The following HGFAC variants were observed in gnomAD, a reference collection of about 807,000 sequenced individuals.
HGFAC encodes hepatocyte growth factor activator serine protease.
A neutral mutation model predicts 70.6 loss-of-function variants in HGFAC; 76 were observed. That is an observed-to-expected ratio of 1.08 (90% CI 0.89 to 1.30). The LOEUF is 1.30. HGFAC is among the 50% of genes most tolerant of loss of function. The probability of loss-of-function intolerance (pLI) is 0.00; values close to 1 mark genes in which losing one functional copy is unlikely to be tolerated. For synonymous variants in HGFAC, 464 were observed against 405.3 expected (o/e 1.14, Z -1.74); for missense variants, 1,044 against 933.7 (o/e 1.12, Z -1.54).
intron 9 of HGFAC, chr4:3,445,691 A>G: frequency 1.6e-6 from 1 of 627,210 alleles, no homozygotes; most frequent in Non-Finnish European, 2.8e-6. Flanking sequence ...TGCCCTGGGG[A>G]GAGGCCCCCC....
At chr4:3,442,693 G>A in intron 1 of HGFAC, 39 bp from the exon 2 acceptor site, 1 of 1,381,014 alleles carries the variant, frequency 7.2e-7, no homozygotes. Flanking sequence ...CTGAGTGTGA[G>A]GGTCTGTCCC....
At chr4:3,447,256 A>G (rs575972412) in intron 10 of HGFAC, among the ~76,000 whole-genome samples, 1 of 152,182 alleles carries the variant, frequency 6.6e-6, no homozygotes, top group African/African-American at 2.4e-5. Flanking sequence ...GTCAGGAGGG[A>G]TGGCACCGCA....
intron 11 of HGFAC, 59 bp downstream of exon 11, chr4:3,447,690 C>T: frequency 4.4e-6 from 7 of 1,598,814 alleles, no homozygotes; most frequent in Non-Finnish European, 6.0e-6. Flanking sequence ...CTCCCCAGGC[C>T]AGGCCCAGAC....
chr4:3,444,645 G>A lies in HGFAC; in HGVS notation c.753G>A (p.Leu251=). ...CAGCTTGTCTGAGCAGCCCTTGCCTGAACGGGGGCACCTGCCACCTGATCG... is the reference window on the plus strand; with the variant it reads ...CAGCTTGTCTGAGCAGCCCTTGCCTAAACGGGGGCACCTGCCACCTGATCG... ...RHTACLSSPC[L]NGGTCHLIVA... Residue 251 remains leucine, a synonymous_variant, in exon 7 of 14, where the codon CTG becomes CTA. Coordinates refer to ENST00000382774, the MANE Select transcript of HGFAC (RefSeq NM_001528.4). 1 of 1,597,408 alleles carries A rather than the reference G, an allele frequency of 6.3e-7. No homozygotes were observed. The highest frequency in any genetic ancestry group is 1.1e-5 in the South Asian group (1 of 89,888).
upstream of HGFAC, chr4:3,441,938 G>T: frequency 2.2e-6 from 2 of 927,554 alleles, no homozygotes; most frequent in South Asian, 4.0e-5. This position sits in a 1 kb window ranked among gnomAD's most constrained non-coding sequence, Gnocchi z 6.0. Context: ...ACGAAGCCTT[G>T]ACCCCACCTG....
chr4:3,447,443 G>C (rs1725548317), intron 10 of HGFAC, 49 bp from the exon 11 acceptor site: 1 of 1,604,956 alleles, frequency 6.2e-7, no homozygotes, highest in African/African-American at 1.3e-5. Flanking sequence ...GGTGAGCCCG[G>C]TGGCTGGGGG....
rs1725622588 is a variant in HGFAC at position 3,448,786 on chromosome 4, A to G, written c.1786-451A>G. ...TAGCTGGGGAGACTGAGCCCCAGGC[A>G]GTCAATTCACTCTTCCAAGGCCACA... On this transcript the variant is annotated intron_variant, in intron 13 of 13. Transcript: ENST00000382774. 2.0e-5 allele frequency among the ~76,000 whole-genome samples: 3 copies of G among 152,096 alleles called. No individual in the cohort carries two copies. In the South Asian group the frequency reaches 6.2e-4, roughly 32 times the overall value.
At position 3,448,010 on chromosome 4, in the gene HGFAC, T is replaced by C. The variant is rs1725582786; in HGVS notation, c.1611T>C (p.Ile537=). The change falls in exon 12 of 14, where the codon ATT becomes ATC. Residue 537 remains isoleucine (I), a synonymous_variant. Coordinates refer to ENST00000382774, the MANE Select transcript of HGFAC (RefSeq NM_001528.4). ...TCCCCGCAGGACACAAGTGCCAGAT[T>C]GCGGGCTGGGGCCACTTGGATGAGA... is the stretch of plus-strand genomic sequence containing the variant. ...STFPAGHKCQ[I]AGWGHLDENV... 5.8e-6 allele frequency: 9 copies of C among 1,564,002 alleles called. No individual in the cohort carries two copies. Among genetic ancestry groups the C allele is most frequent in the Non-Finnish European group, 6.9e-6 (8 of 1,155,260 alleles).
Position 3,442,598 on chromosome 4 carries a change from G to C in HGFAC, c.118-134G>C, listed in dbSNP as rs138017597. On this transcript the variant is annotated intron_variant, in intron 1 of 13. Transcript: ENST00000382774. ...GCCTGGCTGAGGCCTCAGGAATGTC[G>C]TGTGTCCTCCTGGAACCTGCTCCGA... 763 of 572,764 alleles carry C rather than the reference G, an allele frequency of 1.3e-3. 6 individuals carry two copies. Among genetic ancestry groups the C allele is most frequent in the African/African-American group, 0.013 (659 of 51,774 alleles). 35.5% of individuals were successfully genotyped at this position (572,764 alleles called of 1,614,324 possible). A position where few individuals can be genotyped will look rare whatever the true frequency, so the allele number is the denominator to read the frequency against.
At position 3,442,021 on chromosome 4, in the gene HGFAC, T is replaced by C. The variant is rs755195440; in HGVS notation, c.20T>C (p.Val7Ala). 1.3e-6 allele frequency: 2 copies of C among 1,507,078 alleles called. No homozygotes were observed. Among genetic ancestry groups the C allele is most frequent in the East Asian group, 2.6e-5 (1 of 38,702 alleles). 93.4% of individuals were successfully genotyped at this position (1,507,078 alleles called of 1,614,324 possible). ...GGAGCCATGGGGCGCTGGGCCTGGG[T>C]CCCCAGCCCCTGGCCCCCACCGGGG... MGRWAW[V>A]PSPWPPPGLG... The change falls in exon 1 of 14, where the codon GTC becomes GCC. Residue 7 changes from valine (V) to alanine (A), a missense_variant. Coordinates refer to ENST00000382774, the MANE Select transcript of HGFAC (RefSeq NM_001528.4).
intron 6 of HGFAC, 35 bp from the exon 7 acceptor site, chr4:3,444,588 C>A: frequency 6.5e-7 from 1 of 1,547,122 alleles, no homozygotes; most frequent in South Asian, 1.2e-5. Context: ...GGGCACTGCG[C>A]GGCCCCTGGC....
At position 3,444,746 on chromosome 4, in the gene HGFAC, G is replaced by GC; in HGVS notation, c.841+19dup. On this transcript the variant is annotated intron_variant, in intron 7 of 13. Transcript: ENST00000382774. ...CTCTGCAACATCGGTGAGTGGGTCAGCCCCCCGGGGTGCCCTGGGGCAGTG... is the reference window on the plus strand; with the variant it reads ...CTCTGCAACATCGGTGAGTGGGTCAGCCCCCCCGGGGTGCCCTGGGGCAGTG... 1.9e-6 allele frequency: 3 copies of GC among 1,579,860 alleles called. No individual in the cohort carries two copies. The highest frequency in any genetic ancestry group is 1.7e-6 in the Non-Finnish European group (2 of 1,167,090).
rs980964384 is a variant in HGFAC, at chr4:3,445,973, G to A, written c.1103-69G>A. On this transcript the variant is annotated intron_variant, in intron 9 of 13. Coordinates refer to ENST00000382774, the MANE Select transcript of HGFAC (RefSeq NM_001528.4). The stretch of plus-strand genomic sequence containing the variant: ...CCTCTGCAGCGCCTCCTGCCGGGTA[G>A]GGCCTGTGTGTGGAAGGGGGCTGGC... 6 of 1,586,548 alleles carry A rather than the reference G, an allele frequency of 3.8e-6. No homozygotes were observed. In the African/African-American group the frequency reaches 6.7e-5, roughly 18 times the overall value.
At chr4:3,447,695 C>T in intron 11 of HGFAC, 64 bp downstream of exon 11, 1 of 1,598,550 alleles carries the variant, frequency 6.3e-7, no homozygotes, top group Non-Finnish European at 8.6e-7. Flanking sequence ...CAGGCCAGGC[C>T]CAGACAGGGG....
chr4:3,442,841 A>G lies in HGFAC; in HGVS notation c.227A>G (p.Glu76Gly). The G allele has an allele frequency of 6.3e-7, 1 of 1,589,068 alleles. No homozygotes were observed. The highest frequency in any genetic ancestry group is 8.6e-7 in the Non-Finnish European group (1 of 1,169,094). Residue 76 changes from glutamate to glycine, a missense_variant, in exon 2 of 14, where the codon GAG (glutamate) becomes GGG (glycine). Transcript: ENST00000382774. ...CCAGCAACAAGTGCTCCAGAGGCAGAGGGACCCCAAAGTGGGGGGCTCCCG... is the reference window on the plus strand; with the variant it reads ...CCAGCAACAAGTGCTCCAGAGGCAGGGGGACCCCAAAGTGGGGGGCTCCCG... The part of the protein sequence containing the change: ...ETPATSAPEA[E>G]GPQSGGLPPP...
chr4:3,446,719 C>T (rs926594630), intron 10 of HGFAC, among the ~76,000 whole-genome samples: 1 of 152,170 alleles, frequency 6.6e-6, no homozygotes, highest in Admixed American at 6.5e-5. Flanking sequence ...GCCGGCTCCC[C>T]TCAGTGGGGG....
At position 3,444,914 on chromosome 4, in the gene HGFAC, G is replaced by C; in HGVS notation, c.937G>C (p.Asp313His). The change falls in exon 8 of 14, where the codon GAT (aspartate) becomes CAT (histidine). Residue 313 changes from aspartate to histidine, a missense_variant. Coordinates refer to ENST00000382774, the MANE Select transcript of HGFAC (RefSeq NM_001528.4). ...CCTCAGCTGCCTGGCCTGGAACTCC[G>C]ATCTGCTCTACCAGGAGCTGCACGT... Reference protein sequence around the residue: ...SGLSCLAWNSDLLYQELHVDS... With the variant: ...SGLSCLAWNSHLLYQELHVDS... 1 of 1,609,588 alleles carries C rather than the reference G, an allele frequency of 6.2e-7. No homozygotes were observed. Among genetic ancestry groups the C allele is most frequent in the South Asian group, 1.1e-5 (1 of 90,424 alleles).
chr4:3,443,011 C>T, intron 2 of HGFAC, 39 bp from the exon 3 acceptor site: 1 of 1,552,170 alleles, frequency 6.4e-7, no homozygotes, highest in East Asian at 2.3e-5. Context: ...CTCGGGTGCC[C>T]CTCGAGGGAG....
Position 3,444,101 on chromosome 4 carries a change from G to A in HGFAC, c.538G>A (p.Asp180Asn). 1.2e-6 allele frequency: 2 copies of A among 1,612,194 alleles called. No individual in the cohort carries two copies. The highest frequency in any genetic ancestry group is 8.5e-7 in the Non-Finnish European group (1 of 1,179,692). ...LNGGSCSNTQDPQSYHCSCPR... is the reference protein window; with the variant it reads ...LNGGSCSNTQNPQSYHCSCPR... ...TGGAGGCTCCTGCTCCAATACCCAG[G>A]ACCCCCAGTCCTATCACTGCAGCTG... Residue 180 changes from aspartate (D) to asparagine (N), a missense_variant, in exon 5 of 14, where the codon GAC (aspartate) becomes AAC (asparagine). Physicochemically the swap from Asp to Asn is conservative, Grantham distance 23 (BLOSUM62 1). Transcript: ENST00000382774.
Sources: gnomAD v4.1 joint callset for allele counts (sites outside exome capture counted in the v4.1 genomes callset) on GRCh38, gnomAD v4.1.1 for gene constraint, Gnocchi (gnomAD v3.1) non-coding constraint, MANE v1.5 for transcripts, NCBI Gene and HGNC (gene_info 2026-07-23, HGNC 2026-07-21) for gene names.